Variants in ZNF557 observed in about 807,000 individuals in gnomAD.
The protein encoded by ZNF557 is CTB-25J19.9.
In ZNF557, 19 loss-of-function variants were observed where a neutral mutation model predicts 21.2. That is an observed-to-expected ratio of 0.90 (90% CI 0.63 to 1.32). The LOEUF (loss-of-function observed/expected upper bound fraction) is 1.32. Among genes scored for constraint, ZNF557 ranks in the 40% most tolerant of loss-of-function variants. ZNF557 has a pLI of 0.00. For missense variants in ZNF557, 487 were observed against 519.8 expected (o/e 0.94, Z 0.61); for synonymous variants, 207 against 194.8 (o/e 1.06, Z -0.52).
rs767481515 is a variant in ZNF557 at position 7,083,164 on chromosome 19, G to A, written c.713G>A (p.Cys238Tyr). ...CACAATGGGGAGAAACCCTACGAAT[G>A]CAGTGACTGTGGGAAAACCTTCAGC... Reference protein sequence around the residue: ...RIHNGEKPYECSDCGKTFSNS... With the variant: ...RIHNGEKPYEYSDCGKTFSNS... The change falls in exon 8 of 8, where the codon TGC becomes TAC. Residue 238 changes from cysteine to tyrosine, a missense_variant. Transcript: ENST00000252840. The A allele has an allele frequency of 3.7e-6, 6 of 1,614,076 alleles. No homozygotes were observed. The African/African-American group carries it at 8.0e-5, about 22-fold the overall frequency.
At chr19:7,079,271 T>C (rs1326854947) in intron 5 of ZNF557, among the ~76,000 whole-genome samples, 1 of 135,282 alleles carries the variant, frequency 7.4e-6, no homozygotes, top group Non-Finnish European at 1.5e-5. Flanking sequence ...AGATGGAGTC[T>C]CACTCTGTCA....
chr19:7,071,631 G>T (rs1228196436), intron 2 of ZNF557, among the ~76,000 whole-genome samples: 1 of 151,978 alleles, frequency 6.6e-6, no homozygotes, highest in Non-Finnish European at 1.5e-5. Context: ...ATCACCTGAG[G>T]TCAGGAGTTC....
chr19:7,073,426 G>C (rs888722472), intron 2 of ZNF557, among the ~76,000 whole-genome samples: 3 of 152,118 alleles, frequency 2.0e-5, no homozygotes, highest in African/African-American at 7.2e-5. Flanking sequence ...AAAGTGCTGG[G>C]ATTGCAGGCG....
chr19:7,075,236 T>G (rs1977560573), intron 3 of ZNF557, 131 bp downstream of exon 3: 2 of 1,305,678 alleles, frequency 1.5e-6, no homozygotes, highest in Admixed American at 1.8e-5. Flanking sequence ...AGGTCCTCCG[T>G]GTCTGATCGG....
chr19:7,083,123 T>A lies in ZNF557; in HGVS notation c.672T>A (p.Thr224=), dbSNP rs1346816310. 1.2e-6 allele frequency: 2 copies of A among 1,613,896 alleles called. No individual in the cohort carries two copies. The highest frequency in any genetic ancestry group is 1.7e-5 in the Admixed American group (1 of 59,986). Residue 224 remains threonine (T), a synonymous_variant, in exon 8 of 8, where the codon ACT becomes ACA. Transcript: ENST00000252840. The stretch of plus-strand genomic sequence containing the variant: ...CCTTCAGCAGCAGATCTTACCTTAC[T>A]GTTCATAAGAGAATCCACAATGGGG... The part of the protein sequence containing the change: ...GKTFSSRSYL[T]VHKRIHNGEK...
chr19:7,081,547 G>C, intron 6 of ZNF557, 92 bp downstream of exon 6: 2 of 874,484 alleles, frequency 2.3e-6, no homozygotes, highest in East Asian at 5.3e-5. Context: ...GGAAATATCA[G>C]TCAGAGAACT....
Position 7,085,547 on chromosome 19 carries a change from C to G in ZNF557, c.*1803C>G, listed in dbSNP as rs796878572. ...AAAATATGTAAATGTTCCTTGGATG[C>G]AATACTCACGAGTGTATTAATTTCA... is the stretch of plus-strand genomic sequence containing the variant. On this transcript the variant is annotated 3_prime_UTR_variant, in exon 8 of 8. Coordinates refer to ENST00000252840, the MANE Select transcript of ZNF557 (RefSeq NM_024341.3). The G allele has an allele frequency of 5.3e-5, 8 of 152,284 alleles. No homozygotes were observed. Among genetic ancestry groups the G allele is most frequent in the African/African-American group, 1.9e-4 (8 of 41,556 alleles). The allele number at this position is 152,284 out of a possible 1,614,324, so 9.4% of individuals were successfully genotyped here.
chr19:7,076,042 C>T (rs1267935388), intron 4 of ZNF557, among the ~76,000 whole-genome samples: 2 of 152,184 alleles, frequency 1.3e-5, no homozygotes, highest in Non-Finnish European at 2.9e-5. Flanking sequence ...ATCATTCATT[C>T]ACTTACCAAG....
intron 5 of ZNF557, among the ~76,000 whole-genome samples, chr19:7,078,033 A>G (rs1977622190): frequency 6.6e-6 from 1 of 152,094 alleles, no homozygotes; most frequent in Admixed American, 6.6e-5. Context: ...AGAGTTCTTT[A>G]TATGTTCTGC....
rs1217250510 is a variant in ZNF557, at chr19:7,073,828, A to T, written c.-79-1168A>T. 5.3e-5 allele frequency among the ~76,000 whole-genome samples: 8 copies of T among 152,134 alleles called. No individual in the cohort carries two copies. The East Asian group carries it at 1.5e-3, about 29-fold the overall frequency. On this transcript the variant is annotated intron_variant, in intron 2 of 7. Coordinates refer to ENST00000252840, the MANE Select transcript of ZNF557 (RefSeq NM_024341.3). ...AAGGAAGCCAGGGCCTGAATGCTAC[A>T]TCTCAATACAAATTCCTAGAGAGAC...
At chr19:7,079,404 G>A (rs868837541) in intron 5 of ZNF557, among the ~76,000 whole-genome samples, 16 of 130,086 alleles carry the variant, frequency 1.2e-4, no homozygotes, top group South Asian at 5.7e-4. Flanking sequence ...ACCACGCCTC[G>A]CTAATTTTTT....
At chr19:7,073,991 A>G (rs1369300051) in intron 2 of ZNF557, among the ~76,000 whole-genome samples, 8 of 113,178 alleles carry the variant, frequency 7.1e-5, no homozygotes, top group African/African-American at 1.0e-4. Flanking sequence ...TCCCACACAC[A>G]CCCTTGACCA....
At chr19:7,081,521 G>A (rs914685743) in intron 6 of ZNF557, 66 bp downstream of exon 6, 3 of 1,051,698 alleles carry the variant, frequency 2.9e-6, no homozygotes, top group Non-Finnish European at 4.4e-6. Context: ...GAAGTTGGGA[G>A]TATTATAATA....
chr19:7,079,985 C>G (rs912336019), intron 5 of ZNF557, among the ~76,000 whole-genome samples: 17 of 152,100 alleles, frequency 1.1e-4, no homozygotes, highest in African/African-American at 3.9e-4. Context: ...GTGTTCATCC[C>G]TGGGTATGAG....
At chr19:7,081,106 C>T (rs1008507701) in intron 5 of ZNF557, among the ~76,000 whole-genome samples, 11 of 151,282 alleles carry the variant, frequency 7.3e-5, no homozygotes, top group African/African-American at 2.4e-4. Context: ...GACAGGGGCT[C>T]CTGGGACCAG....
chr19:7,070,955 G>A (rs906802641), intron 2 of ZNF557, among the ~76,000 whole-genome samples: 1 of 152,020 alleles, frequency 6.6e-6, no homozygotes, highest in African/African-American at 2.4e-5. Context: ...TAGTAAAGAT[G>A]GGGTGTTGCC....
chr19:7,074,045 G>A (rs1485449409), intron 2 of ZNF557, among the ~76,000 whole-genome samples: 1 of 149,906 alleles, frequency 6.7e-6, no homozygotes, highest in East Asian at 2.0e-4. Flanking sequence ...CTGTTGCCCA[G>A]GCTGGAGTGC....
chr19:7,077,679 C>T (rs1977615064), intron 5 of ZNF557, among the ~76,000 whole-genome samples: 2 of 152,066 alleles, frequency 1.3e-5, no homozygotes, highest in African/African-American at 4.8e-5. Flanking sequence ...CTTCTGTGTC[C>T]TGTGGTAATT....
At chr19:7,077,578 T>C (rs1207043400) in intron 5 of ZNF557, among the ~76,000 whole-genome samples, 3 of 152,236 alleles carry the variant, frequency 2.0e-5, no homozygotes. Flanking sequence ...TCTCATCTTT[T>C]GGCTATTGTG....
Sources: allele counts gnomAD v4.1 joint callset (sites outside exome capture counted in the v4.1 genomes callset), GRCh38; gene constraint gnomAD v4.1.1; transcripts MANE v1.5; gene names NCBI Gene and HGNC (gene_info 2026-07-23, HGNC 2026-07-21).